The following SMCO4 variants were observed in gnomAD, a reference collection of about 807,000 sequenced individuals.
SMCO4 encodes single-pass membrane protein with coiled-coil domains 4.
SMCO4 carries 4 observed loss-of-function variants against 3.6 expected under a neutral mutation model. The ratio of observed to expected loss-of-function variants is 1.11; its 90% CI spans 0.54 to 2.53. The LOEUF is 2.53. SMCO4 is among the 30% of genes most tolerant of loss of function. The probability of loss-of-function intolerance (pLI) is 0.02; values close to 1 mark genes in which losing one functional copy is unlikely to be tolerated. For missense variants in SMCO4, 70 were observed against 80.8 expected (o/e 0.87, Z 0.51); for synonymous variants, 36 against 35.3 (o/e 1.02, Z -0.07).
At chr11:93,539,756 C>T (rs1047155232) in intron 1 of SMCO4, among the ~76,000 whole-genome samples, 1 of 152,032 alleles carries the variant, frequency 6.6e-6, no homozygotes, top group Non-Finnish European at 1.5e-5. Flanking sequence ...CAAAAGAGGG[C>T]CTTAAAGGAC....
chr11:93,491,481 C>G (rs1412857734), intron 2 of SMCO4, among the ~76,000 whole-genome samples: 1 of 152,194 alleles, frequency 6.6e-6, no homozygotes, highest in Non-Finnish European at 1.5e-5. Context: ...TCCCTGACAT[C>G]CCCGTGCTGT....
intron 1 of SMCO4, among the ~76,000 whole-genome samples, chr11:93,520,008 A>G (rs1311731463): frequency 6.6e-6 from 1 of 152,224 alleles, no homozygotes; most frequent in East Asian, 1.9e-4. Flanking sequence ...AAGAAAAGCA[A>G]AGGTTAGCAG....
At chr11:93,534,697 C>A (rs1186786587) in intron 1 of SMCO4, among the ~76,000 whole-genome samples, 1 of 152,176 alleles carries the variant, frequency 6.6e-6, no homozygotes, top group African/African-American at 2.4e-5. Flanking sequence ...CTGCTCTCTG[C>A]CCCTTTGAGC....
Position 93,543,260 on chromosome 11 carries a change from G to A in SMCO4, c.-154+16C>T. The A allele has an allele frequency of 7.0e-6, 1 of 142,356 alleles. No homozygotes were observed. The highest frequency in any genetic ancestry group is 1.6e-5 in the Non-Finnish European group (1 of 64,046). The allele number at this position is 142,356 out of a possible 1,614,324, so 8.8% of individuals were successfully genotyped here. A position where few individuals can be genotyped will look rare whatever the true frequency, so the allele number is the denominator to read the frequency against. ...CCCGCCCCGCCGCCGCCGCCGCCGC[G>A]CCGCTCCCAGCCCACCTGCCCGCGG... On this transcript the variant is annotated intron_variant, in intron 1 of 2. Transcript: ENST00000298966.
the SMCO4 span, among the ~76,000 whole-genome samples, chr11:93,549,867 T>C: frequency 1.3e-5 from 2 of 152,220 alleles, no homozygotes; most frequent in African/African-American, 2.4e-5. Flanking sequence ...TATCAAGTGT[T>C]ATAATAAAAA....
chr11:93,518,298 GAAC>G (rs1949027521), intron 1 of SMCO4, among the ~76,000 whole-genome samples: 1 of 152,164 alleles, frequency 6.6e-6, no homozygotes, highest in African/African-American at 2.4e-5. Flanking sequence ...TTTTATTGCT[GAAC>G]AACATTCCAT....
At chr11:93,516,787 C>CAA (rs896063554) in intron 1 of SMCO4, among the ~76,000 whole-genome samples, 1 of 145,724 alleles carries the variant, frequency 6.9e-6, no homozygotes, top group Non-Finnish European at 1.5e-5. Context: ...AAGACTCTGT[C>CAA]AAAAAAAAGA....
intron 1 of SMCO4, among the ~76,000 whole-genome samples, chr11:93,510,765 TTCA>T (rs1948949513): frequency 6.6e-6 from 1 of 152,164 alleles, no homozygotes; most frequent in South Asian, 2.1e-4. Context: ...CCAGCAGCTC[TTCA>T]TCTAGTTAGA....
intron 1 of SMCO4, among the ~76,000 whole-genome samples, chr11:93,527,544 C>A (rs1440393831): frequency 1.3e-5 from 2 of 152,148 alleles, no homozygotes; most frequent in Non-Finnish European, 2.9e-5. Flanking sequence ...GCAACTTCAG[C>A]TTCTTGGGCT....
intron 2 of SMCO4, among the ~76,000 whole-genome samples, chr11:93,487,135 A>T (rs188061502): frequency 6.6e-6 from 1 of 152,260 alleles, no homozygotes; most frequent in East Asian, 1.9e-4. Flanking sequence ...TGAGAGCAGC[A>T]GCTCTGCGGT....
intron 1 of SMCO4, among the ~76,000 whole-genome samples, chr11:93,514,711 T>C (rs891391578): frequency 1.3e-5 from 2 of 152,186 alleles, no homozygotes; most frequent in Non-Finnish European, 2.9e-5. Context: ...GATTAAATGA[T>C]TTCGGCATTC....
intron 1 of SMCO4, among the ~76,000 whole-genome samples, chr11:93,542,686 G>A (rs1289165885): frequency 6.6e-6 from 1 of 152,124 alleles, no homozygotes; most frequent in Admixed American, 6.5e-5. Flanking sequence ...TCTCAGGGTC[G>A]GTCCCGAAAG....
chr11:93,500,560 T>C (rs1287372480), intron 1 of SMCO4, among the ~76,000 whole-genome samples: 2 of 152,176 alleles, frequency 1.3e-5, no homozygotes, highest in Middle Eastern at 3.4e-3. Flanking sequence ...GATTAAGGTA[T>C]GTAAAAGGGA....
At chr11:93,516,193 A>G (rs2605623) in intron 1 of SMCO4, among the ~76,000 whole-genome samples, 119,343 of 152,104 alleles carry the variant, frequency 0.78, 47,228 homozygotes, top group South Asian at 0.85. Flanking sequence ...AGAACACAGG[A>G]GACCAAGAAC....
chr11:93,493,788 T>C (rs1247696004), intron 2 of SMCO4, among the ~76,000 whole-genome samples: 2 of 152,192 alleles, frequency 1.3e-5, no homozygotes, highest in Non-Finnish European at 2.9e-5. Flanking sequence ...AGCCAAACTC[T>C]TGCCCACTTC....
chr11:93,537,982 C>G (rs1007856562), intron 1 of SMCO4: 2 of 152,550 alleles, frequency 1.3e-5, no homozygotes, highest in Non-Finnish European at 2.9e-5. Context: ...TGACCAGAGC[C>G]AGCACAAACT....
At chr11:93,549,621 T>C in the SMCO4 span, among the ~76,000 whole-genome samples, 2 of 9,236 alleles carry the variant, frequency 2.2e-4, no homozygotes, top group Non-Finnish European at 1.2e-3. Context: ...ACTAATTTAT[T>C]TATTTTTTTT....
intron 1 of SMCO4, among the ~76,000 whole-genome samples, chr11:93,524,120 C>A (rs1437208069): frequency 6.6e-6 from 1 of 152,114 alleles, no homozygotes; most frequent in Non-Finnish European, 1.5e-5. Flanking sequence ...TAAAAACAAG[C>A]GATTACAACA....
At chr11:93,553,228 G>A in the SMCO4 span, among the ~76,000 whole-genome samples, 1 of 152,192 alleles carries the variant, frequency 6.6e-6, no homozygotes. Context: ...CATGGTTCAT[G>A]GGTGGGTGTC....
Sources: allele counts gnomAD v4.1 joint callset (sites outside exome capture counted in the v4.1 genomes callset), GRCh38; gene constraint gnomAD v4.1.1; transcripts MANE v1.5; gene names NCBI Gene and HGNC (gene_info 2026-07-23, HGNC 2026-07-21).